The following TCF7L1 variants were observed in gnomAD, a reference collection of about 807,000 sequenced individuals.
The protein encoded by TCF7L1 is transcription factor 7 like 1.
TCF7L1 carries 18 observed loss-of-function variants against 63.7 expected under a neutral mutation model. That is an observed-to-expected ratio of 0.28 (90% CI 0.20 to 0.42). TCF7L1 has a LOEUF of 0.42. Ranked by LOEUF, TCF7L1 falls within the 10% of genes least tolerant of loss-of-function variation. The pLI is 1.00. For missense variants in TCF7L1, 654 were observed against 779.3 expected (o/e 0.84, Z 1.91); for synonymous variants, 355 against 340.9 (o/e 1.04, Z -0.46).
intron 3 of TCF7L1, among the ~76,000 whole-genome samples, chr2:85,232,051 C>A (rs554186813): frequency 1.3e-5 from 2 of 152,110 alleles, no homozygotes; most frequent in East Asian, 3.9e-4. Context: ...ATTGTCACAC[C>A]GTTGAGAGTC....
At chr2:85,207,233 A>T (rs959377405) in intron 3 of TCF7L1, among the ~76,000 whole-genome samples, 1 of 152,192 alleles carries the variant, frequency 6.6e-6, no homozygotes, top group African/African-American at 2.4e-5. Context: ...CTTCCAAGTT[A>T]CTGCCTGTGA....
intron 3 of TCF7L1, among the ~76,000 whole-genome samples, chr2:85,277,442 G>A (rs1323457732): frequency 1.3e-5 from 2 of 152,140 alleles, no homozygotes; most frequent in Non-Finnish European, 2.9e-5. Context: ...GGTTCTGGGT[G>A]GCACTGGGAC....
At chr2:85,288,196 A>G (rs1681607393) in intron 4 of TCF7L1, among the ~76,000 whole-genome samples, 2 of 152,204 alleles carry the variant, frequency 1.3e-5, no homozygotes, top group Admixed American at 6.5e-5. Flanking sequence ...AAATGGACAG[A>G]TTGCAGAGGT....
chr2:85,261,123 GGT>G (rs3223762), intron 3 of TCF7L1, among the ~76,000 whole-genome samples: 12,710 of 106,376 alleles, frequency 0.12, 799 homozygotes, highest in Admixed American at 0.25. Flanking sequence ...AATTATTGCT[GGT>G]GTGTGTGTGT....
rs548117945 is a variant in TCF7L1 at position 85,144,109 on chromosome 2, A to T, written c.441+9659A>T. 4.6e-5 allele frequency among the ~76,000 whole-genome samples: 7 copies of T among 152,324 alleles called. No individual in the cohort carries two copies. The South Asian group carries it at 1.5e-3, about 32-fold the overall frequency. On this transcript the variant is annotated intron_variant, in intron 3 of 11. Transcript: ENST00000282111. ...TAAACTTACTATACTCACAATTTGG[A>T]TTACAACATAGTTTGGTTAACCCAG...
chr2:85,283,490 T>G lies in TCF7L1; in HGVS notation c.442-5T>G. On this transcript the variant is annotated splice_region_variant and splice_polypyrimidine_tract_variant and intron_variant, in intron 3 of 11. Coordinates refer to ENST00000282111, the MANE Select transcript of TCF7L1 (RefSeq NM_031283.3). Reference sequence around the variant, plus strand: ...ACAGCTTTTTCTTTTCTGTTCCCTGTGCAGTACCTGCAGATGAAATGGCCC... The same window carrying G: ...ACAGCTTTTTCTTTTCTGTTCCCTGGGCAGTACCTGCAGATGAAATGGCCC... The G allele has an allele frequency of 6.2e-7, 1 of 1,614,134 alleles. No individual in the cohort carries two copies. Among genetic ancestry groups the G allele is most frequent in the Non-Finnish European group, 8.5e-7 (1 of 1,180,020 alleles).
At chr2:85,169,024 A>C (rs74457100) in intron 3 of TCF7L1, among the ~76,000 whole-genome samples, 8 of 152,258 alleles carry the variant, frequency 5.3e-5, no homozygotes, top group African/African-American at 1.9e-4. Flanking sequence ...CCTCCATTCA[A>C]CTTCCCTTGC....
chr2:85,283,436 T>C (rs112311465), intron 3 of TCF7L1, 59 bp from the exon 4 acceptor site: 4 of 1,598,426 alleles, frequency 2.5e-6, no homozygotes, highest in Non-Finnish European at 1.7e-6. Flanking sequence ...CCAGCAAACT[T>C]TGAGTACTTG....
chr2:85,165,330 T>C (rs1240353520), intron 3 of TCF7L1, among the ~76,000 whole-genome samples: 1 of 151,912 alleles, frequency 6.6e-6, no homozygotes, highest in African/African-American at 2.4e-5. Context: ...TTCAAAGACA[T>C]CAGAGATTAG....
At chr2:85,250,935 C>T (rs768699909) in intron 3 of TCF7L1, among the ~76,000 whole-genome samples, 47 of 152,218 alleles carry the variant, frequency 3.1e-4, no homozygotes, top group Admixed American at 1.9e-3. Flanking sequence ...ACTGTAGTCT[C>T]GGAGAATGCT....
In TCF7L1 at chr2:85,307,699, C is replaced by T. The variant is rs942531165; in HGVS notation, c.1315C>T (p.Gln439Ter). Residue 439 changes from glutamine (Q) to a stop codon, truncating the protein, a stop_gained, in exon 11 of 12, where the codon CAA (glutamine) becomes TAA (stop). Transcript: ENST00000282111. LOFTEE classifies it high-confidence loss of function. ...GCTGTCCCAGACACAGTCACAGCAG[C>T]AAGTCCAGGAGGCAGAGGGTGCGTC... ...KQLSQTQSQQ[Q>*]VQEAEGALAS... is the part of the protein sequence containing the mutation. 1 of 1,613,740 alleles carries T rather than the reference C, an allele frequency of 6.2e-7. No individual in the cohort carries two copies. The highest frequency in any genetic ancestry group is 1.3e-5 in the African/African-American group (1 of 75,038).
At chr2:85,295,975 G>A (rs1017184630) in intron 4 of TCF7L1, among the ~76,000 whole-genome samples, 3 of 151,150 alleles carry the variant, frequency 2.0e-5, no homozygotes, top group African/African-American at 2.4e-5. Flanking sequence ...ACAGGATTTC[G>A]CCATGTTGGC....
At chr2:85,206,668 T>C (rs1679416827) in intron 3 of TCF7L1, among the ~76,000 whole-genome samples, 1 of 152,288 alleles carries the variant, frequency 6.6e-6, no homozygotes, top group South Asian at 2.1e-4. Flanking sequence ...TCCAACATAT[T>C]TGAGGGATCT....
chr2:85,144,557 A>T (rs1358231191), intron 3 of TCF7L1, among the ~76,000 whole-genome samples: 1 of 151,614 alleles, frequency 6.6e-6, no homozygotes, highest in Non-Finnish European at 1.5e-5. Context: ...AGCCAAGATT[A>T]CCCCACTGTA....
At position 85,203,539 on chromosome 2, in the gene TCF7L1, C is replaced by G. The variant is rs1485257179; in HGVS notation, c.441+69089C>G. On this transcript the variant is annotated intron_variant, in intron 3 of 11. Coordinates refer to ENST00000282111, the MANE Select transcript of TCF7L1 (RefSeq NM_031283.3). The stretch of plus-strand genomic sequence containing the variant: ...GCCAGGAGTTCAAGACCAGCCTGAG[C>G]AACATAGCAAGACCCTGTCTCTACA... Among the ~76,000 whole-genome samples, 2 of 152,004 alleles carry G rather than the reference C, an allele frequency of 1.3e-5. 1 individual carries two copies. The highest frequency in any genetic ancestry group is 4.2e-4 in the South Asian group (2 of 4,818).
intron 5 of TCF7L1, 35 bp downstream of exon 5, chr2:85,302,651 G>A: frequency 6.3e-7 from 1 of 1,586,722 alleles, no homozygotes; most frequent in Non-Finnish European, 8.6e-7. Flanking sequence ...TGCTGCTGCA[G>A]GGCAGGCGGG....
At chr2:85,254,004 C>T (rs1382474499) in intron 3 of TCF7L1, among the ~76,000 whole-genome samples, 1 of 152,212 alleles carries the variant, frequency 6.6e-6, no homozygotes, top group Non-Finnish European at 1.5e-5. Flanking sequence ...GATGGTTTCA[C>T]CTTTGGAAGA....
intron 3 of TCF7L1, among the ~76,000 whole-genome samples, chr2:85,260,151 A>G (rs1680825584): frequency 6.6e-6 from 1 of 152,198 alleles, no homozygotes; most frequent in African/African-American, 2.4e-5. Context: ...ACACTGCTTC[A>G]TCCACAATGT....
chr2:85,307,883 T>C (rs1426570600), intron 11 of TCF7L1, among the ~76,000 whole-genome samples, 166 bp downstream of exon 11: 1 of 152,188 alleles, frequency 6.6e-6, no homozygotes, highest in African/African-American at 2.4e-5. Context: ...CTCTGAGATG[T>C]GAAGGCATTT....
Sources: gnomAD v4.1 joint callset for allele counts (sites outside exome capture counted in the v4.1 genomes callset) on GRCh38, gnomAD v4.1.1 for gene constraint, MANE v1.5 for transcripts, NCBI Gene and HGNC (gene_info 2026-07-23, HGNC 2026-07-21) for gene names.